SDSL: variants seen among roughly 807,000 people sequenced by gnomAD.
SDSL encodes serine dehydratase-like.
A neutral mutation model predicts 27.6 loss-of-function variants in SDSL; 26 were observed. The ratio of observed to expected loss-of-function variants is 0.94; its 90% CI spans 0.69 to 1.31. The LOEUF is 1.31. Ranked by LOEUF, SDSL falls within the 50% of genes most tolerant of loss-of-function variation. SDSL has a pLI of 0.00. For missense variants in SDSL, 431 were observed against 423.5 expected, an observed-to-expected ratio of 1.02 and a Z score of -0.16; for synonymous variants, 196 against 180.6, an observed-to-expected ratio of 1.09 and a Z score of -0.69.
intron 4 of SDSL, among the ~76,000 whole-genome samples, chr12:113,432,300 C>T (rs12824748): frequency 0.084 from 12,090 of 144,316 alleles, 965 homozygotes; most frequent in African/African-American, 0.2. Flanking sequence ...TTCTCTCTCT[C>T]TCTTTCTGTC....
chr12:113,427,183 A>G (rs539224769), intron 1 of SDSL: 1 of 152,544 alleles, frequency 6.6e-6, no homozygotes, highest in Non-Finnish European at 1.5e-5. Flanking sequence ...ACCTTGGCTC[A>G]CTGCAACCTC....
intron 4 of SDSL, among the ~76,000 whole-genome samples, chr12:113,432,879 T>C (rs1442317871): frequency 1.3e-5 from 2 of 152,244 alleles, no homozygotes; most frequent in African/African-American, 2.4e-5. Flanking sequence ...TAGTGTTCCA[T>C]GATGTATATG....
intron 4 of SDSL, among the ~76,000 whole-genome samples, chr12:113,432,264 CTTTCTTT>C (rs1957937690): frequency 7.5e-6 from 1 of 133,124 alleles, no homozygotes; most frequent in African/African-American, 3.1e-5. Flanking sequence ...TTCTTTCTTT[CTTTCTTT>C]CTTTCTTTCT....
intron 4 of SDSL, among the ~76,000 whole-genome samples, chr12:113,432,747 C>T (rs543449845): frequency 6.6e-6 from 1 of 152,202 alleles, no homozygotes; most frequent in Non-Finnish European, 1.5e-5. Context: ...GTGTTTAACT[C>T]CCAGTTGTAA....
chr12:113,431,272 G>A (rs1184675525), intron 4 of SDSL, among the ~76,000 whole-genome samples: 1 of 152,154 alleles, frequency 6.6e-6, no homozygotes, highest in Non-Finnish European at 1.5e-5. Flanking sequence ...AAGCTAATGT[G>A]TTTCCACCTG....
At chr12:113,433,891 A>G (rs1209001191) in intron 4 of SDSL, among the ~76,000 whole-genome samples, 1 of 152,270 alleles carries the variant, frequency 6.6e-6, no homozygotes, top group Non-Finnish European at 1.5e-5. Flanking sequence ...CCTGGTTTTC[A>G]TAGTGTGGCA....
intron 6 of SDSL, among the ~76,000 whole-genome samples, chr12:113,436,346 T>C (rs776807711): frequency 6.6e-6 from 1 of 151,854 alleles, no homozygotes; most frequent in South Asian, 2.1e-4. Context: ...TAGAGTGCAA[T>C]GGCGCGATCT....
chr12:113,437,946 G>T lies in SDSL; in HGVS notation c.857G>T (p.Gly286Val), dbSNP rs945644274. The part of the protein sequence containing the change: ...CGAALAAIYS[G>V]LLRRLQAEGC... The stretch of plus-strand genomic sequence containing the variant: ...GCAGCCTTAGCAGCCATCTACTCAG[G>T]CCTCCTGCGGAGGCTCCAGGCCGAG... The change falls in exon 8 of 8, where the codon GGC (glycine) becomes GTC (valine). Residue 286 changes from glycine to valine, a missense_variant. By Grantham distance (109) the Gly-to-Val change is moderately radical (BLOSUM62 -3). Transcript: ENST00000403593. 5.0e-6 allele frequency: 8 copies of T among 1,613,974 alleles called. No homozygotes were observed. The South Asian group carries it at 8.8e-5, about 18-fold the overall frequency.
chr12:113,432,969 T>C (rs1957952924), intron 4 of SDSL, among the ~76,000 whole-genome samples: 1 of 152,232 alleles, frequency 6.6e-6, no homozygotes, highest in East Asian at 1.9e-4. Flanking sequence ...AGTACTGCTG[T>C]GATGAACACA....
chr12:113,432,276 CTTTCTTTCTTTCT>C (rs1217247050), intron 4 of SDSL, among the ~76,000 whole-genome samples: 1 of 130,950 alleles, frequency 7.6e-6, no homozygotes. Context: ...TTCTTTCTTT[CTTTCTTTCTTTCT>C]TTCTCTCTCT....
chr12:113,434,453 A>G (rs1310750471), intron 5 of SDSL, among the ~76,000 whole-genome samples: 1 of 152,250 alleles, frequency 6.6e-6, no homozygotes, highest in East Asian at 1.9e-4. Flanking sequence ...TGGAAGTGAT[A>G]GTACCAAGTC....
chr12:113,436,700 G>C (rs1957998974), intron 6 of SDSL, 51 bp from the exon 7 acceptor site: 12 of 1,508,060 alleles, frequency 8.0e-6, no homozygotes, highest in Non-Finnish European at 9.7e-6. Flanking sequence ...TGTTTCACCA[G>C]CTCTTCCCTG....
At chr12:113,437,623 T>C (rs1383223187) in intron 7 of SDSL, among the ~76,000 whole-genome samples, 1 of 152,092 alleles carries the variant, frequency 6.6e-6, no homozygotes, top group Non-Finnish European at 1.5e-5. Flanking sequence ...ATGGGTACAC[T>C]GATGGATGGA....
Position 113,433,744 on chromosome 12 carries a change from C to T in SDSL, c.355-390C>T, listed in dbSNP as rs564733994. Among the ~76,000 whole-genome samples the T allele has an allele frequency of 4.6e-5, 7 of 152,306 alleles. No homozygotes were observed. The East Asian group carries it at 7.7e-4, about 17-fold the overall frequency. On this transcript the variant is annotated intron_variant, in intron 4 of 7. Coordinates refer to ENST00000403593, the MANE Select transcript of SDSL (RefSeq NM_001304993.2). ...TCAGCTGGGCCATTGCTGGTTTCCA[C>T]GGACACACTCTATGGTGACCAAGTT... is the stretch of plus-strand genomic sequence containing the variant.
intron 3 of SDSL, 150 bp from the exon 4 acceptor site, chr12:113,429,010 T>C: frequency 1.1e-6 from 1 of 907,788 alleles, no homozygotes; most frequent in Non-Finnish European, 1.6e-6. Flanking sequence ...TCAACCTAAA[T>C]TATGTGTCCC....
intron 1 of SDSL, among the ~76,000 whole-genome samples, chr12:113,425,251 C>T (rs1484306718): frequency 3.3e-5 from 5 of 152,068 alleles, no homozygotes; most frequent in African/African-American, 1.2e-4. Context: ...CTGGGGTATG[C>T]GGCATTTGGG....
chr12:113,434,110 T>G, intron 4 of SDSL, 24 bp from the exon 5 acceptor site: 2 of 1,606,020 alleles, frequency 1.2e-6, no homozygotes, highest in Non-Finnish European at 1.7e-6. Context: ...CCGGCTGTTC[T>G]GAGGGCCCTT....
rs192372807 is a variant in SDSL, at chr12:113,430,164, T to C, written c.354+865T>C. ...CACCCATCCATCCATCCATCAGATA[T>C]TGATTGAGCACATATTCAGTACCTG... is the stretch of plus-strand genomic sequence containing the variant. On this transcript the variant is annotated intron_variant, in intron 4 of 7. Transcript: ENST00000403593. 4.6e-4 allele frequency among the ~76,000 whole-genome samples: 70 copies of C among 152,156 alleles called. 1 individual carries two copies. Among genetic ancestry groups the C allele is most frequent in the African/African-American group, 1.6e-3 (67 of 41,478 alleles).
chr12:113,427,863 C>A, intron 1 of SDSL, 99 bp from the exon 2 acceptor site: 2 of 1,059,762 alleles, frequency 1.9e-6, no homozygotes, highest in Non-Finnish European at 1.3e-6. Flanking sequence ...AAGTGAAGGG[C>A]ACCTAAGCCA....
Sources: allele counts gnomAD v4.1 joint callset (sites outside exome capture counted in the v4.1 genomes callset), GRCh38; gene constraint gnomAD v4.1.1; transcripts MANE v1.5; gene names NCBI Gene and HGNC (gene_info 2026-07-23, HGNC 2026-07-21).